Variants in METTL8 observed in about 807,000 individuals in gnomAD.
The protein encoded by METTL8 is methyltransferase 8, tRNA N3-cytidine, also known as tRNA N(3)-cytidine methyltransferase METTL8, mitochondrial.
In METTL8, 32 loss-of-function variants were observed where a neutral mutation model predicts 48.7. That is an observed-to-expected ratio of 0.66 (90% CI 0.50 to 0.88). The LOEUF (loss-of-function observed/expected upper bound fraction) is 0.88. Among genes scored for constraint, METTL8 ranks in the 40% least tolerant of loss-of-function variants. The probability of loss-of-function intolerance (pLI) is 0.00; values close to 1 mark genes in which losing one functional copy is unlikely to be tolerated. For synonymous variants in METTL8, 136 were observed against 157.1 expected, an observed-to-expected ratio of 0.87 and a Z score of 1.01; for missense variants, 464 against 474.4, an observed-to-expected ratio of 0.98 and a Z score of 0.20.
chr2:171,349,657 T>C (rs116413256), intron 3 of METTL8, among the ~76,000 whole-genome samples: 49 of 152,304 alleles, frequency 3.2e-4, no homozygotes, highest in African/African-American at 1.2e-3. Flanking sequence ...AGACTTTGCT[T>C]TCAAATCTTT....
Position 171,339,571 on chromosome 2 carries a change from A to G in METTL8, c.236-17T>C, listed in dbSNP as rs1304142356. 7.3e-7 allele frequency: 1 copy of G among 1,361,506 alleles called. No homozygotes were observed. Among genetic ancestry groups the G allele is most frequent in the East Asian group, 2.3e-5 (1 of 43,292 alleles). The allele number at this position is 1,361,506 out of a possible 1,614,324, so 84.3% of individuals were successfully genotyped here. On this transcript the variant is annotated splice_polypyrimidine_tract_variant and intron_variant, in intron 3 of 9. Transcript: ENST00000375258. ...CATACTTAACTAAAATAAAGAGGAAAAAGAAAGATTTATTTTACTACGAAT... is the reference window on the plus strand; with the variant it reads ...CATACTTAACTAAAATAAAGAGGAAGAAGAAAGATTTATTTTACTACGAAT...
At chr2:171,371,891 G>A (rs999484990) in intron 2 of METTL8, among the ~76,000 whole-genome samples, 4 of 149,462 alleles carry the variant, frequency 2.7e-5, no homozygotes, top group African/African-American at 4.9e-5. Flanking sequence ...GTCTTGCTTT[G>A]TTGCCCAGGC....
Position 171,339,396 on chromosome 2 carries a change from G to C in METTL8, c.394C>G (p.His132Asp). The C allele has an allele frequency of 6.2e-7, 1 of 1,613,316 alleles. No homozygotes were observed. The highest frequency in any genetic ancestry group is 8.5e-7 in the Non-Finnish European group (1 of 1,179,560). The change falls in exon 4 of 10, where the codon CAT becomes GAT. Residue 132 changes from histidine (H) to aspartate (D), a missense_variant. His to Asp is a moderately conservative substitution (Grantham distance 81). Coordinates refer to ENST00000375258, the MANE Select transcript of METTL8 (RefSeq NM_001321154.2). ...CGATTTGTAGCACTAGTTTTTACAT[G>C]ATCCCATGATGATTCTCTCGCCTTC... ...EEKARESSWD[H>D]VKTSATNRFS...
At chr2:171,403,111 G>C (rs1689805642) in intron 1 of METTL8, among the ~76,000 whole-genome samples, 1 of 152,138 alleles carries the variant, frequency 6.6e-6, no homozygotes, top group African/African-American at 2.4e-5. Flanking sequence ...CCTTAAGGAA[G>C]TGGAACATAA....
chr2:171,325,951 A>T lies in METTL8; in HGVS notation c.968-45T>A, dbSNP rs570742013. 80 of 1,371,092 alleles carry T rather than the reference A, an allele frequency of 5.8e-5. 1 individual carries two copies. The African/African-American group carries it at 8.6e-4, about 15-fold the overall frequency. 84.9% of individuals were successfully genotyped at this position (1,371,092 alleles called of 1,614,324 possible). On this transcript the variant is annotated intron_variant, in intron 8 of 9. Coordinates refer to ENST00000375258, the MANE Select transcript of METTL8 (RefSeq NM_001321154.2). Reference sequence around the variant, plus strand: ...GAGAAACTCTTAAGGGTATTCCTTTAAAAAAAAACAACTAAATACTTTGAT... The same window carrying T: ...GAGAAACTCTTAAGGGTATTCCTTTTAAAAAAAACAACTAAATACTTTGAT...
intron 1 of METTL8, among the ~76,000 whole-genome samples, chr2:171,399,753 G>T (rs1559176497): frequency 6.6e-6 from 1 of 152,100 alleles, no homozygotes; most frequent in South Asian, 2.1e-4. Flanking sequence ...TTGCTTTTGG[G>T]GAGCAATAGT....
rs939818384 is a variant in METTL8, at chr2:171,389,621, T to TAAAAGATAAAACCAA, written c.143+2421_143+2422insTTGGTTTTATCTTTT. Reference sequence around the variant, plus strand: ...ATGGAGAAAGGTTTAGTGGTCTGCATAAAAGATAAAACCAGCCACAATATT... The same window carrying TAAAAGATAAAACCAA: ...ATGGAGAAAGGTTTAGTGGTCTGCATAAAAGATAAAACCAAAAAAGATAAAACCAGCCACAATATT... On this transcript the variant is annotated intron_variant, in intron 2 of 9. Transcript: ENST00000375258. Among the ~76,000 whole-genome samples the TAAAAGATAAAACCAA allele has an allele frequency of 3.8e-4, 56 of 147,584 alleles. 1 individual carries two copies. In the South Asian group the frequency reaches 8.6e-3, roughly 23 times the overall value.
At position 171,324,497 on chromosome 2, in the gene METTL8, A is replaced by C. The variant is rs972555361; in HGVS notation, c.1034-135T>G. 33 of 821,570 alleles carry C rather than the reference A, an allele frequency of 4.0e-5. No individual in the cohort carries two copies. The Admixed American group carries it at 4.9e-4, about 12-fold the overall frequency. 50.9% of individuals were successfully genotyped at this position (821,570 alleles called of 1,614,324 possible). On this transcript the variant is annotated intron_variant, in intron 9 of 9. Coordinates refer to ENST00000375258, the MANE Select transcript of METTL8 (RefSeq NM_001321154.2). ...AAACACTCTCTAGAACAATTTGGTG[A>C]AGGAAACCTGTGAAACCAAGCGAGT...
intron 1 of METTL8, among the ~76,000 whole-genome samples, chr2:171,406,989 AG>A (rs1280825782): frequency 2.0e-5 from 3 of 151,864 alleles, no homozygotes; most frequent in Non-Finnish European, 4.4e-5. Context: ...TCTACTACCT[AG>A]TTTGTGGGGC....
At chr2:171,384,662 T>G (rs1434398266) in intron 2 of METTL8, among the ~76,000 whole-genome samples, 2 of 151,622 alleles carry the variant, frequency 1.3e-5, no homozygotes, top group Non-Finnish European at 2.9e-5. Context: ...AGACCCCACC[T>G]CTACAAAAAA....
In METTL8 at chr2:171,322,588, A is replaced by C. The variant is rs887651069; in HGVS notation, c.*1584T>G. The stretch of plus-strand genomic sequence containing the variant: ...CGTCTCTACTAAAAATACAAAAAAA[A>C]AAAAAATTAGCTGGGCATGGTGGTG... On this transcript the variant is annotated 3_prime_UTR_variant, in exon 10 of 10. Transcript: ENST00000375258. 1.3e-5 allele frequency: 2 copies of C among 151,374 alleles called. No individual in the cohort carries two copies. 9.4% of individuals were successfully genotyped at this position (151,374 alleles called of 1,614,324 possible). A position where few individuals can be genotyped will look rare whatever the true frequency, so the allele number is the denominator to read the frequency against.
chr2:171,378,788 A>AAT (rs765122560), intron 2 of METTL8, among the ~76,000 whole-genome samples: 1 of 152,172 alleles, frequency 6.6e-6, no homozygotes, highest in Non-Finnish European at 1.5e-5. Context: ...AGGAGACTTA[A>AAT]ACTGCCACAC....
At chr2:171,377,724 A>G (rs1687118746) in intron 2 of METTL8, among the ~76,000 whole-genome samples, 1 of 152,200 alleles carries the variant, frequency 6.6e-6, no homozygotes, top group African/African-American at 2.4e-5. Flanking sequence ...ATAAAAAAAG[A>G]AAAATAGATG....
intron 1 of METTL8, among the ~76,000 whole-genome samples, chr2:171,432,813 CTG>C (rs992792107): frequency 6.6e-6 from 1 of 152,174 alleles, no homozygotes; most frequent in Non-Finnish European, 1.5e-5. Context: ...TGGAAACTGA[CTG>C]TAAGCAAAAT....
At chr2:171,408,890 G>A (rs1358007417) in intron 1 of METTL8, among the ~76,000 whole-genome samples, 2 of 151,034 alleles carry the variant, frequency 1.3e-5, no homozygotes, top group Non-Finnish European at 2.9e-5. Flanking sequence ...CTTAGTGCTG[G>A]GTGCGTGGTA....
chr2:171,392,991 GCT>G (rs1239579511), intron 1 of METTL8, among the ~76,000 whole-genome samples: 1 of 151,570 alleles, frequency 6.6e-6, no homozygotes, highest in African/African-American at 2.4e-5. Flanking sequence ...TGTAATCCCA[GCT>G]ACTTGGAGGC....
At chr2:171,365,807 T>C (rs1011501046) in intron 2 of METTL8, among the ~76,000 whole-genome samples, 1 of 152,220 alleles carries the variant, frequency 6.6e-6, no homozygotes, top group Non-Finnish European at 1.5e-5. Context: ...ATAAAGCAAC[T>C]GCTTTTAAAC....
chr2:171,350,704 T>C (rs1575796392), intron 3 of METTL8, among the ~76,000 whole-genome samples: 1 of 152,248 alleles, frequency 6.6e-6, no homozygotes, highest in African/African-American at 2.4e-5. Context: ...TGCATTTCCC[T>C]GACGGCCAGT....
At chr2:171,372,689 T>C (rs1229418824) in intron 2 of METTL8, among the ~76,000 whole-genome samples, 1 of 151,986 alleles carries the variant, frequency 6.6e-6, no homozygotes, top group East Asian at 1.9e-4. Context: ...TGTGTGCAAA[T>C]GTTCTCATTG....
Sources: allele counts gnomAD v4.1 joint callset (sites outside exome capture counted in the v4.1 genomes callset), GRCh38; gene constraint gnomAD v4.1.1; transcripts MANE v1.5; gene names NCBI Gene and HGNC (gene_info 2026-07-23, HGNC 2026-07-21).